PDZRN3: variants seen among roughly 807,000 people sequenced by gnomAD.
PDZRN3 encodes E3 ubiquitin-protein ligase PDZRN3.
In PDZRN3, 38 loss-of-function variants were observed where a neutral mutation model predicts 85.7. That is an observed-to-expected ratio of 0.44 (90% CI 0.34 to 0.58). The LOEUF (loss-of-function observed/expected upper bound fraction) is 0.58. Among genes scored for constraint, PDZRN3 ranks in the 20% least tolerant of loss-of-function variants. The pLI is 0.01. For synonymous variants in PDZRN3, 759 were observed against 638.0 expected, an observed-to-expected ratio of 1.19 and a Z score of -2.86; for missense variants, 1,629 against 1,506.4, an observed-to-expected ratio of 1.08 and a Z score of -1.35.
chr3:73,509,389 CTCTG>C (rs533070703), intron 3 of PDZRN3, among the ~76,000 whole-genome samples: 19 of 152,308 alleles, frequency 1.2e-4, no homozygotes, highest in African/African-American at 3.1e-4. Flanking sequence ...GAAATTGGAC[CTCTG>C]TCTGTTTGTC....
At position 73,388,059 on chromosome 3, in the gene PDZRN3, A is replaced by T; in HGVS notation, c.1427T>A (p.Ile476Lys). ...EGDRIIQING[I>K]EVQNREEAVA... ...AGCCTCTTCACGGTTCTGCACCTCTATCCCATTAATCTTTTAAAAAAAAAG... is the reference window on the plus strand; with the variant it reads ...AGCCTCTTCACGGTTCTGCACCTCTTTCCCATTAATCTTTTAAAAAAAAAG... Residue 476 changes from isoleucine to lysine, a missense_variant, in exon 8 of 10, where the codon ATA becomes AAA. Physicochemically the swap from Ile to Lys is moderately radical, Grantham distance 102. Transcript: ENST00000263666. The T allele has an allele frequency of 1.6e-6, 2 of 1,254,984 alleles. No homozygotes were observed. The highest frequency in any genetic ancestry group is 3.5e-5 in the East Asian group (1 of 28,666). The allele number at this position is 1,254,984 out of a possible 1,614,324, so 77.7% of individuals were successfully genotyped here. A position where few individuals can be genotyped will look rare whatever the true frequency, so the allele number is the denominator to read the frequency against.
At chr3:73,409,662 G>A (rs1225727191) in intron 3 of PDZRN3, among the ~76,000 whole-genome samples, 2 of 152,200 alleles carry the variant, frequency 1.3e-5, no homozygotes, top group East Asian at 3.9e-4. Context: ...ATGCTAGCCG[G>A]GCCCATAAAC....
At chr3:73,570,947 G>A (rs35022816) in intron 3 of PDZRN3, among the ~76,000 whole-genome samples, 8,420 of 152,098 alleles carry the variant, frequency 0.055, 264 homozygotes, top group Middle Eastern at 0.15. Flanking sequence ...CCTGGCTGTG[G>A]GCAGAAGAAA....
Position 73,391,028 on chromosome 3 carries a change from T to G in PDZRN3, c.1343A>C (p.Tyr448Ser), listed in dbSNP as rs1434576730. 1 of 1,610,592 alleles carries G rather than the reference T, an allele frequency of 6.2e-7. No individual in the cohort carries two copies. Among genetic ancestry groups the G allele is most frequent in the East Asian group, 2.2e-5 (1 of 44,868 alleles). The change falls in exon 6 of 10, where the codon TAT (tyrosine) becomes TCT (serine). Residue 448 changes from tyrosine (Y) to serine (S), a missense_variant. By Grantham distance (144) the Tyr-to-Ser change is moderately radical. Transcript: ENST00000263666. ...RTDDEDDIGI[Y>S]ISEIDPNSIA... ...AATCAGCCTTTGTACCTCACTGATA[T>G]AAATCCCAATGTCGTCTTCATCGTC... is the stretch of plus-strand genomic sequence containing the variant.
chr3:73,508,700 G>A (rs1048817215), intron 3 of PDZRN3, among the ~76,000 whole-genome samples: 11 of 152,044 alleles, frequency 7.2e-5, no homozygotes, highest in African/African-American at 2.4e-4. Context: ...ATGTAAACAG[G>A]GTCTTTCATT....
chr3:73,589,644 G>A (rs1575753157), intron 3 of PDZRN3, among the ~76,000 whole-genome samples: 1 of 152,216 alleles, frequency 6.6e-6, no homozygotes, highest in South Asian at 2.1e-4. Flanking sequence ...TTAAGTCCCT[G>A]CATCAAAATA....
intron 3 of PDZRN3, among the ~76,000 whole-genome samples, chr3:73,512,466 C>T (rs756969375): frequency 2.0e-5 from 3 of 152,144 alleles, no homozygotes; most frequent in Non-Finnish European, 2.9e-5. Flanking sequence ...TGGACAATAT[C>T]CTGGAAACAT....
rs1353235103 is a variant in PDZRN3, at chr3:73,444,889, A to C, written c.919-40494T>G. On this transcript the variant is annotated intron_variant, in intron 3 of 9. Coordinates refer to ENST00000263666, the MANE Select transcript of PDZRN3 (RefSeq NM_015009.3). Reference sequence around the variant, plus strand: ...GCCAGAGCCACACGTGAGGAAACGCAGAAAGAGCTCTCTGACTAGAGATGA... The same window carrying C: ...GCCAGAGCCACACGTGAGGAAACGCCGAAAGAGCTCTCTGACTAGAGATGA... Among the ~76,000 whole-genome samples the C allele has an allele frequency of 2.0e-5, 3 of 152,258 alleles. No individual in the cohort carries two copies. The East Asian group carries it at 5.8e-4, about 29-fold the overall frequency.
At chr3:73,394,113 T>C (rs1020783097) in intron 5 of PDZRN3, among the ~76,000 whole-genome samples, 7 of 152,290 alleles carry the variant, frequency 4.6e-5, no homozygotes, top group Admixed American at 2.0e-4. Flanking sequence ...ACAGAAGATA[T>C]TCAAAACATT....
At position 73,624,862 on chromosome 3, in the gene PDZRN3, C is replaced by T. The variant is rs1251497027; in HGVS notation, c.-37G>A. The stretch of plus-strand genomic sequence containing the variant: ...GGCCCCGGGGTCGCCGCCGGGCGGC[C>T]GGGCGCCCCCTCCCTCCCCACGAGG... On this transcript the variant is annotated 5_prime_UTR_variant, in exon 1 of 10. Coordinates refer to ENST00000263666, the MANE Select transcript of PDZRN3 (RefSeq NM_015009.3). 3.2e-6 allele frequency: 4 copies of T among 1,265,582 alleles called. No homozygotes were observed. The highest frequency in any genetic ancestry group is 3.0e-4 in the Middle Eastern group (1 of 3,320). 78.4% of individuals were successfully genotyped at this position (1,265,582 alleles called of 1,614,324 possible). A position where few individuals can be genotyped will look rare whatever the true frequency, so the allele number is the denominator to read the frequency against.
intron 3 of PDZRN3, among the ~76,000 whole-genome samples, chr3:73,457,833 T>C (rs1703018815): frequency 6.6e-6 from 1 of 152,228 alleles, no homozygotes; most frequent in East Asian, 1.9e-4. Context: ...AGGCATCACC[T>C]ATAAACCAGG....
At chr3:73,390,893 G>A in intron 6 of PDZRN3, 125 bp downstream of exon 6, 1 of 663,372 alleles carries the variant, frequency 1.5e-6, no homozygotes, top group East Asian at 2.5e-5. Context: ...TGTGATGAGG[G>A]GGACAGAATA....
chr3:73,556,243 C>G (rs991700012), intron 3 of PDZRN3, among the ~76,000 whole-genome samples: 2 of 151,498 alleles, frequency 1.3e-5, no homozygotes, highest in Admixed American at 1.3e-4. Flanking sequence ...ATATTTAAAT[C>G]GAAAGTTAAG....
At chr3:73,608,776 T>C in intron 1 of PDZRN3, 92 bp from the exon 2 acceptor site, 2 of 741,474 alleles carry the variant, frequency 2.7e-6, no homozygotes, top group Non-Finnish European at 4.6e-6. Context: ...CAAGGACTAC[T>C]CAGCTAATCA....
At chr3:73,413,518 T>C (rs948655132) in intron 3 of PDZRN3, among the ~76,000 whole-genome samples, 3 of 152,180 alleles carry the variant, frequency 2.0e-5, no homozygotes, top group African/African-American at 7.2e-5. Context: ...GTGTTATCTC[T>C]ACCACCTCAG....
chr3:73,535,185 G>A (rs898296350), intron 3 of PDZRN3, among the ~76,000 whole-genome samples: 14 of 152,126 alleles, frequency 9.2e-5, no homozygotes, highest in Non-Finnish European at 5.9e-5. Context: ...ATGGAACAGA[G>A]CAGCTGCTGA....
chr3:73,624,040 G>A lies in PDZRN3; in HGVS notation c.723+63C>T, dbSNP rs578130978. The A allele has an allele frequency of 8.9e-5, 121 of 1,365,334 alleles. No homozygotes were observed. In the African/African-American group the frequency reaches 1.8e-3, roughly 20 times the overall value. 84.6% of individuals were successfully genotyped at this position (1,365,334 alleles called of 1,614,324 possible). On this transcript the variant is annotated intron_variant, in intron 1 of 9. Transcript: ENST00000263666. ...GGGGCATCCCTGTACCCAAAGGGAT[G>A]GGGCGGGGCCCTGGGTCCCCAGGGA...
chr3:73,600,337 A>ACACACACACACACACTCT (rs34405662), intron 3 of PDZRN3, among the ~76,000 whole-genome samples: 1 of 100,052 alleles, frequency 1.0e-5, no homozygotes, highest in African/African-American at 4.3e-5. Context: ...ACACACACAC[A>ACACACACACACACACTCT]CTCTCTCTCT....
At chr3:73,407,207 T>C (rs528981437) in intron 3 of PDZRN3, among the ~76,000 whole-genome samples, 2 of 152,304 alleles carry the variant, frequency 1.3e-5, no homozygotes, top group South Asian at 2.1e-4. Context: ...AGGACTAAAC[T>C]AGGACATGAG....
Sources: allele counts gnomAD v4.1 joint callset (sites outside exome capture counted in the v4.1 genomes callset), GRCh38; gene constraint gnomAD v4.1.1; transcripts MANE v1.5; gene names NCBI Gene and HGNC (gene_info 2026-07-23, HGNC 2026-07-21).